The following CHLSN variants were observed in gnomAD, a reference collection of about 807,000 sequenced individuals.
The protein encoded by CHLSN is protein cholesin.
At chr7:1,002,624 G>T in the CHLSN span, among the ~76,000 whole-genome samples, 1 of 124,014 alleles carries the variant, frequency 8.1e-6, no homozygotes, top group Non-Finnish European at 1.7e-5. Context: ...CCTGCGGGTG[G>T]GGAGTCCTGT....
At chr7:1,057,056 G>A in the CHLSN span, among the ~76,000 whole-genome samples, 2 of 152,126 alleles carry the variant, frequency 1.3e-5, no homozygotes, top group Non-Finnish European at 2.9e-5. Flanking sequence ...TGCCGGGAGG[G>A]AGGGAGGGAG....
chr7:1,099,701 G>T, the CHLSN span, among the ~76,000 whole-genome samples: 1 of 152,236 alleles, frequency 6.6e-6, no homozygotes, highest in South Asian at 2.1e-4. Flanking sequence ...TGCAGAGCTT[G>T]GTTGCCAGGG....
At chr7:1,051,055 G>T in the CHLSN span, among the ~76,000 whole-genome samples, 2 of 152,184 alleles carry the variant, frequency 1.3e-5, no homozygotes, top group Admixed American at 6.5e-5. Context: ...GCTGCTTATG[G>T]GGCCCAGAGG....
the CHLSN span, among the ~76,000 whole-genome samples, chr7:1,135,906 T>C: frequency 4.8e-5 from 6 of 125,566 alleles, no homozygotes; most frequent in Admixed American, 2.6e-4. Flanking sequence ...TAAGTATATA[T>C]AAAAATATAT....
At chr7:983,685 G>A in the CHLSN span, among the ~76,000 whole-genome samples, 9 of 152,238 alleles carry the variant, frequency 5.9e-5, no homozygotes, top group African/African-American at 2.2e-4. Context: ...GCCCGCAGGA[G>A]GCCAGGCTTA....
At chr7:1,025,580 G>C in the CHLSN span, 4 of 151,234 alleles carry the variant, frequency 2.6e-5, no homozygotes, top group Non-Finnish European at 4.4e-5. Flanking sequence ...GCTGAGGCCT[G>C]TGGACACAGC....
At chr7:1,092,479 C>T in the CHLSN span, 26 of 1,607,198 alleles carry the variant, frequency 1.6e-5, no homozygotes, top group Admixed American at 5.0e-5. Flanking sequence ...CCGTGGGCTG[C>T]GGCCCCGGCG....
the CHLSN span, among the ~76,000 whole-genome samples, chr7:1,046,468 T>G: frequency 4.7e-4 from 72 of 152,312 alleles, no homozygotes; most frequent in Admixed American, 1.5e-3. Flanking sequence ...CTGACCAGCA[T>G]TAGGCTGTCC....
At chr7:1,002,582 C>T in the CHLSN span, among the ~76,000 whole-genome samples, 505 of 16,280 alleles carry the variant, frequency 0.031, 64 homozygotes, top group Admixed American at 0.044. Context: ...TGGAGCCCTG[C>T]GGGTGAGTGG....
At chr7:998,220 C>G in the CHLSN span, among the ~76,000 whole-genome samples, 1 of 152,204 alleles carries the variant, frequency 6.6e-6, no homozygotes, top group Non-Finnish European at 1.5e-5. Flanking sequence ...CTCTTGGTGG[C>G]CTGACCCTTG....
At chr7:1,077,511 A>C in the CHLSN span, among the ~76,000 whole-genome samples, 3 of 152,202 alleles carry the variant, frequency 2.0e-5, no homozygotes, top group Admixed American at 2.0e-4. Context: ...TACAGGCGTG[A>C]GCCACCGCGC....
At chr7:988,455 C>A in the CHLSN span, 10 of 1,610,078 alleles carry the variant, frequency 6.2e-6, no homozygotes, top group South Asian at 7.7e-5. Context: ...GGCGGCACCT[C>A]CAGGGCTCCA....
chr7:1,069,350 T>TC, the CHLSN span, among the ~76,000 whole-genome samples: 3 of 147,968 alleles, frequency 2.0e-5, no homozygotes, highest in Non-Finnish European at 4.5e-5. Flanking sequence ...TAAATAGCTC[T>TC]CCCTCTCCCC....
chr7:982,317 G>A, the CHLSN span, among the ~76,000 whole-genome samples: 21 of 152,242 alleles, frequency 1.4e-4, no homozygotes, highest in African/African-American at 4.1e-4. Context: ...TCTGCGGTTC[G>A]TACAGGGCAT....
chr7:1,004,491 T>C, the CHLSN span, among the ~76,000 whole-genome samples: 2 of 150,772 alleles, frequency 1.3e-5, no homozygotes, highest in African/African-American at 2.5e-5. Flanking sequence ...ACGGCACTGC[T>C]GCCTACGGCC....
chr7:1,060,154 T>C, the CHLSN span, among the ~76,000 whole-genome samples: 1 of 152,084 alleles, frequency 6.6e-6, no homozygotes, highest in Non-Finnish European at 1.5e-5. Flanking sequence ...AATGTGGCCG[T>C]GAGAAAAGCC....
chr7:1,023,677 A>ACACACC, the CHLSN span, among the ~76,000 whole-genome samples: 1 of 101,516 alleles, frequency 9.9e-6, no homozygotes, highest in African/African-American at 3.3e-5. The surrounding 1 kb of genome is among the most constrained non-coding windows in gnomAD (Gnocchi z 5.0). Context: ...ACACACACAC[A>ACACACC]CCAGCAACGC....
chr7:1,072,831 G>T, the CHLSN span, among the ~76,000 whole-genome samples: 1 of 152,004 alleles, frequency 6.6e-6, no homozygotes, highest in African/African-American at 2.4e-5. Flanking sequence ...TTACAGGCGT[G>T]CGCCACCACG....
chr7:996,601 C>G, the CHLSN span, among the ~76,000 whole-genome samples: 1 of 152,196 alleles, frequency 6.6e-6, no homozygotes, highest in Non-Finnish European at 1.5e-5. Flanking sequence ...ACAGACTTGG[C>G]CTCACAGTGG....
Sources: allele counts gnomAD v4.1 joint callset (sites outside exome capture counted in the v4.1 genomes callset), GRCh38; gene constraint gnomAD v4.1.1; non-coding constraint Gnocchi (gnomAD v3.1); transcripts MANE v1.5; gene names NCBI Gene and HGNC (gene_info 2026-07-23, HGNC 2026-07-21).